Variants in ATP10B observed in about 807,000 individuals in gnomAD.
ATP10B encodes the protein ATPase phospholipid transporting 10B (putative).
In ATP10B, 122 loss-of-function variants were observed where a neutral mutation model predicts 141.2. The ratio of observed to expected loss-of-function variants is 0.86; its 90% confidence interval spans 0.75 to 1.00. The LOEUF is 1.00. Among genes scored for constraint, ATP10B ranks in the 50% least tolerant of loss-of-function variants. The probability of loss-of-function intolerance (pLI) is 0.00; values close to 1 mark genes in which losing one functional copy is unlikely to be tolerated. For missense variants in ATP10B, 1,876 were observed against 1,825.3 expected (o/e 1.03, Z -0.51); for synonymous variants, 685 against 692.0 (o/e 0.99, Z 0.16).
the ATP10B span, among the ~76,000 whole-genome samples, chr5:160,873,309 CAA>C: frequency 6.6e-6 from 1 of 152,180 alleles, no homozygotes; most frequent in East Asian, 1.9e-4. Flanking sequence ...CGGTGAAACT[CAA>C]AATTTCTCAT....
chr5:160,644,541 T>G (rs1233753258), intron 8 of ATP10B, among the ~76,000 whole-genome samples: 1 of 152,140 alleles, frequency 6.6e-6, no homozygotes, highest in South Asian at 2.1e-4. Context: ...TTGGCTTCAA[T>G]TCTCATATTC....
chr5:160,598,958 G>A lies in ATP10B; in HGVS notation c.3376C>T (p.Leu1126=), dbSNP rs1253514453. The change falls in exon 22 of 26, where the codon CTG becomes TTG. Residue 1126 remains leucine, a synonymous_variant. Coordinates refer to ENST00000327245, the MANE Select transcript of ATP10B (RefSeq NM_025153.3). ...YLYKNVCYVN[L]LFWYQFFCGF... ...CAGAAGAACTGATACCAGAAGAGCA[G>A]GTTGACGTAGCACTGCAGGCAGAGA... The A allele has an allele frequency of 3.1e-6, 5 of 1,613,954 alleles. No individual in the cohort carries two copies. The highest frequency in any genetic ancestry group is 4.2e-6 in the Non-Finnish European group (5 of 1,180,000).
At chr5:160,621,945 G>A (rs910401831) in intron 14 of ATP10B, among the ~76,000 whole-genome samples, 1 of 152,166 alleles carries the variant, frequency 6.6e-6, no homozygotes, top group Non-Finnish European at 1.5e-5. Context: ...TGCATAGATG[G>A]TTCTGCCATT....
intron 1 of ATP10B, among the ~76,000 whole-genome samples, chr5:160,836,904 TCTC>T (rs544443733): frequency 1.4e-3 from 219 of 152,236 alleles, no homozygotes; most frequent in African/African-American, 5.0e-3. Flanking sequence ...GTCAATAGAT[TCTC>T]CTCCTAGAGC....
intron 7 of ATP10B, among the ~76,000 whole-genome samples, chr5:160,657,527 G>A (rs1373783768): frequency 6.6e-6 from 1 of 152,158 alleles, no homozygotes; most frequent in Non-Finnish European, 1.5e-5. Context: ...CTCTGAGGGA[G>A]ACTATCTTAA....
the ATP10B span, among the ~76,000 whole-genome samples, chr5:160,897,869 G>T: frequency 1.3e-5 from 2 of 152,020 alleles, no homozygotes; most frequent in Non-Finnish European, 2.9e-5. Flanking sequence ...CAGAACAGAG[G>T]CCTCAGAAAT....
intron 17 of ATP10B, among the ~76,000 whole-genome samples, chr5:160,613,694 G>A (rs990782838): frequency 2.0e-5 from 3 of 152,172 alleles, no homozygotes. Flanking sequence ...AGAATTAATA[G>A]GGACTCATAT....
intron 15 of ATP10B, 95 bp from the exon 16 acceptor site, chr5:160,618,068 T>C: frequency 1.0e-6 from 1 of 988,248 alleles, no homozygotes; most frequent in South Asian, 1.3e-5. Context: ...AGACTACAAA[T>C]ACTTTAGAGA....
At chr5:160,926,287 C>T in the ATP10B span, among the ~76,000 whole-genome samples, 2 of 152,204 alleles carry the variant, frequency 1.3e-5, no homozygotes, top group African/African-American at 4.8e-5. Flanking sequence ...CTGGTAATTA[C>T]CGCCAGGATT....
intron 13 of ATP10B, among the ~76,000 whole-genome samples, chr5:160,625,276 G>A (rs765590886): frequency 6.6e-6 from 1 of 152,196 alleles, no homozygotes; most frequent in Non-Finnish European, 1.5e-5. Flanking sequence ...TTTGAGACTT[G>A]CTACCACCCA....
At chr5:160,735,290 T>C (rs10069807) in intron 2 of ATP10B, among the ~76,000 whole-genome samples, 39,206 of 150,392 alleles carry the variant, frequency 0.26, 5,266 homozygotes, top group East Asian at 0.5. Flanking sequence ...AGATTGAAAA[T>C]AAAGAGATGA....
chr5:160,791,752 G>A (rs935466903), intron 1 of ATP10B, among the ~76,000 whole-genome samples: 3 of 152,076 alleles, frequency 2.0e-5, no homozygotes, highest in South Asian at 2.1e-4. Flanking sequence ...ACTTGGTCAC[G>A]GGATCACATA....
intron 2 of ATP10B, among the ~76,000 whole-genome samples, chr5:160,750,587 C>A (rs1159128089): frequency 4.6e-5 from 7 of 152,122 alleles, no homozygotes; most frequent in Non-Finnish European, 2.9e-5. Flanking sequence ...TTAGAATGTC[C>A]CCTCTTTCCC....
chr5:160,795,736 G>A (rs10035177), intron 1 of ATP10B, among the ~76,000 whole-genome samples: 21,965 of 151,670 alleles, frequency 0.14, 1,653 homozygotes, highest in East Asian at 0.17. Flanking sequence ...AAAAGGCAAC[G>A]CGACCACAGA....
At chr5:160,902,233 A>G in the ATP10B span, among the ~76,000 whole-genome samples, 1 of 152,236 alleles carries the variant, frequency 6.6e-6, no homozygotes, top group Non-Finnish European at 1.5e-5. Flanking sequence ...GAGACCTTGT[A>G]AAAAGAAAAT....
intron 1 of ATP10B, among the ~76,000 whole-genome samples, chr5:160,847,983 G>T (rs1776227368): frequency 6.6e-6 from 1 of 152,040 alleles, no homozygotes; most frequent in Non-Finnish European, 1.5e-5. Flanking sequence ...TTCCAACACA[G>T]CCATCTATTT....
chr5:160,660,012 T>G (rs1761803657), intron 7 of ATP10B, among the ~76,000 whole-genome samples: 1 of 152,160 alleles, frequency 6.6e-6, no homozygotes, highest in Non-Finnish European at 1.5e-5. Flanking sequence ...AATTTCAACC[T>G]CATAGAATTT....
the ATP10B span, among the ~76,000 whole-genome samples, chr5:160,867,261 C>G: frequency 2.6e-5 from 4 of 152,024 alleles, no homozygotes; most frequent in African/African-American, 7.2e-5. Flanking sequence ...GCTATTACCA[C>G]TCAATAACCC....
Position 160,632,327 on chromosome 5 carries a change from A to G in ATP10B, c.1422T>C (p.Gly474=). The G allele has an allele frequency of 6.2e-7, 1 of 1,614,096 alleles. No homozygotes were observed. Among genetic ancestry groups the G allele is most frequent in the Non-Finnish European group, 8.5e-7 (1 of 1,179,990 alleles). The change falls in exon 13 of 26, where the codon GGT becomes GGC. Residue 474 remains glycine (G), a synonymous_variant. Transcript: ENST00000327245. The stretch of plus-strand genomic sequence containing the variant: ...GGCATTGGTATTGGGTCCACTCTTC[A>G]CCATCTGAGTCCAGCTCCTTTGGGG... ...LETPKELDSD[G]EEWTQYQCLS...
Sources: allele counts gnomAD v4.1 joint callset (sites outside exome capture counted in the v4.1 genomes callset), GRCh38; gene constraint gnomAD v4.1.1; transcripts MANE v1.5; gene names NCBI Gene and HGNC (gene_info 2026-07-23, HGNC 2026-07-21).